Variants in RYR2 observed in about 807,000 individuals in gnomAD.
RYR2 encodes the protein cardiac muscle ryanodine receptor-calcium release channel.
RYR2 carries 227 observed loss-of-function variants against 601.1 expected under a neutral mutation model. That is an observed-to-expected ratio of 0.38 (90% CI 0.34 to 0.42). The LOEUF is 0.42. Ranked by LOEUF, RYR2 falls within the 10% of genes least tolerant of loss-of-function variation. The pLI is 1.00. For missense variants in RYR2, 4,646 were observed against 6,156.5 expected, an observed-to-expected ratio of 0.75 and a Z score of 8.21; for synonymous variants, 2,223 against 2,175.1, an observed-to-expected ratio of 1.02 and a Z score of -0.61.
Position 237,500,723 on chromosome 1 carries a change from G to T in RYR2, c.2216G>T (p.Arg739Leu). The change falls in exon 21 of 105, where the codon CGT becomes CTT. Residue 739 changes from arginine to leucine, a missense_variant. Arg to Leu is a moderately radical substitution (Grantham distance 102). This residue lies in a region of RYR2 where 1,807 missense variants were observed against 2,088.1 expected (regional missense o/e 0.87). Coordinates refer to ENST00000366574, the MANE Select transcript of RYR2 (RefSeq NM_001035.3). Reference sequence around the variant, plus strand: ...TTCCCCCCAATAGGTTGTATTGCTCGTACTGTAAGCTCACCAAACCAACAT... The same window carrying T: ...TTCCCCCCAATAGGTTGTATTGCTCTTACTGTAAGCTCACCAAACCAACAT... ...GLHLWSGCIA[R>L]TVSSPNQHLL... is the part of the protein sequence containing the mutation. 1.2e-6 allele frequency: 2 copies of T among 1,607,402 alleles called. No individual in the cohort carries two copies. The highest frequency in any genetic ancestry group is 2.2e-5 in the South Asian group (2 of 90,600).
At chr1:237,273,579 G>A (rs1689931705) in intron 2 of RYR2, among the ~76,000 whole-genome samples, 1 of 152,120 alleles carries the variant, frequency 6.6e-6, no homozygotes, top group Non-Finnish European at 1.5e-5. Flanking sequence ...GAATGGCTCT[G>A]TCCTCTGACA....
At chr1:237,103,155 G>A (rs1303093443) in intron 1 of RYR2, among the ~76,000 whole-genome samples, 1 of 152,150 alleles carries the variant, frequency 6.6e-6, no homozygotes, top group Non-Finnish European at 1.5e-5. Flanking sequence ...GGAGCTCTGA[G>A]GCCATCCAAG....
chr1:237,369,679 C>T, intron 6 of RYR2, 71 bp downstream of exon 6: 2 of 1,203,420 alleles, frequency 1.7e-6, no homozygotes, highest in Non-Finnish European at 2.4e-6. Flanking sequence ...TCTGCAAATG[C>T]TGGTAGCATC....
chr1:237,666,620 C>T lies in RYR2; in HGVS notation c.8514+31C>T, dbSNP rs182184858. 261 of 1,540,558 alleles carry T rather than the reference C, an allele frequency of 1.7e-4. 2 individuals are homozygous for T. In the Admixed American group the frequency reaches 2.2e-3, roughly 13 times the overall value. ...TACTATTAACTTTTAAAAATAGTCT[C>T]CAAATTTAATTTTTAAGAAGCATAA... On this transcript the variant is annotated intron_variant, in intron 57 of 104. Coordinates refer to ENST00000366574, the MANE Select transcript of RYR2 (RefSeq NM_001035.3).
chr1:237,177,964 G>A (rs1678243952), intron 1 of RYR2, among the ~76,000 whole-genome samples: 1 of 152,184 alleles, frequency 6.6e-6, no homozygotes, highest in South Asian at 2.1e-4. Context: ...AATGCCAAAT[G>A]TCTTCCAGAG....
intron 18 of RYR2, 127 bp from the exon 19 acceptor site, chr1:237,492,827 G>A (rs1434750590): frequency 1.8e-6 from 1 of 544,586 alleles, no homozygotes; most frequent in African/African-American, 3.4e-5. Context: ...CTGTCTGAAA[G>A]GAAGGAAGGA....
chr1:237,462,656 A>G (rs1229089119), intron 16 of RYR2, among the ~76,000 whole-genome samples: 3 of 152,168 alleles, frequency 2.0e-5, no homozygotes, highest in Non-Finnish European at 2.9e-5. Flanking sequence ...GAAGACTTGG[A>G]AAGAATACAG....
intron 2 of RYR2, among the ~76,000 whole-genome samples, chr1:237,313,941 A>G (rs1359413907): frequency 7.1e-6 from 1 of 140,834 alleles, no homozygotes; most frequent in Non-Finnish European, 1.5e-5. Flanking sequence ...TTCAACTTCC[A>G]ATAACATTTT....
intron 101 of RYR2, among the ~76,000 whole-genome samples, chr1:237,824,549 A>G (rs1435976921): frequency 6.8e-6 from 1 of 146,298 alleles, no homozygotes; most frequent in Non-Finnish European, 1.5e-5. Context: ...AGAGCTATAT[A>G]TGACAAACCC....
At chr1:237,494,366 G>A (rs1663793703) in intron 19 of RYR2, among the ~76,000 whole-genome samples, 1 of 152,162 alleles carries the variant, frequency 6.6e-6, no homozygotes, top group South Asian at 2.1e-4. Context: ...AGGGCAGAAA[G>A]CACCCAGCAC....
In RYR2 at chr1:237,726,326, T is replaced by G; in HGVS notation, c.10725+18T>G. 1 of 1,523,428 alleles carries G rather than the reference T, an allele frequency of 6.6e-7. No individual in the cohort carries two copies. 94.4% of individuals were successfully genotyped at this position (1,523,428 alleles called of 1,614,324 possible). On this transcript the variant is annotated intron_variant, in intron 75 of 104. Transcript: ENST00000366574. Reference sequence around the variant, plus strand: ...ACTGTCTGGGAAGTACAGTGCTCAATGGCCTAGAGATTACTAATTAATTTA... The same window carrying G: ...ACTGTCTGGGAAGTACAGTGCTCAAGGGCCTAGAGATTACTAATTAATTTA...
At chr1:237,670,181 C>T (rs558119719) in intron 58 of RYR2, among the ~76,000 whole-genome samples, 3 of 151,414 alleles carry the variant, frequency 2.0e-5, no homozygotes, top group Non-Finnish European at 3.0e-5. Context: ...CGCAGGCACT[C>T]GGCAGGCTGA....
At chr1:237,163,188 T>A (rs1230668957) in intron 1 of RYR2, among the ~76,000 whole-genome samples, 1 of 152,198 alleles carries the variant, frequency 6.6e-6, no homozygotes, top group Non-Finnish European at 1.5e-5. Flanking sequence ...CCGTGATCTC[T>A]AAGATACCTG....
intron 47 of RYR2, among the ~76,000 whole-genome samples, chr1:237,642,343 C>T (rs1020835033): frequency 2.0e-5 from 3 of 152,024 alleles, no homozygotes; most frequent in African/African-American, 7.2e-5. Context: ...AAAACTTAAA[C>T]TTTGCTGCTA....
intron 1 of RYR2, among the ~76,000 whole-genome samples, chr1:237,256,223 G>A (rs183162555): frequency 7.2e-5 from 11 of 152,176 alleles, no homozygotes; most frequent in Non-Finnish European, 1.0e-4. Flanking sequence ...CTTGCCTGCC[G>A]CCGTGTAAGA....
intron 16 of RYR2, among the ~76,000 whole-genome samples, chr1:237,463,498 T>C (rs1659711836): frequency 6.6e-6 from 1 of 152,112 alleles, no homozygotes; most frequent in African/African-American, 2.4e-5. Context: ...CAGATGAATA[T>C]TGCATGATTC....
chr1:237,414,315 A>C (rs137872796), intron 10 of RYR2, among the ~76,000 whole-genome samples: 1 of 152,222 alleles, frequency 6.6e-6, no homozygotes, highest in Admixed American at 6.5e-5. Flanking sequence ...ACCAAGGTTA[A>C]GTATGTTGCC....
intron 1 of RYR2, among the ~76,000 whole-genome samples, chr1:237,194,535 C>T (rs1345449631): frequency 6.6e-6 from 1 of 152,076 alleles, no homozygotes; most frequent in African/African-American, 2.4e-5. Flanking sequence ...CGGGAGGGCC[C>T]AGAGCACTAG....
chr1:237,631,950 A>C (rs1680373801), intron 42 of RYR2, among the ~76,000 whole-genome samples: 1 of 151,974 alleles, frequency 6.6e-6, no homozygotes. Context: ...TAGATTCTTA[A>C]TGAGAATTTC....
Sources: gnomAD v4.1 joint callset for allele counts (sites outside exome capture counted in the v4.1 genomes callset) on GRCh38, gnomAD v4.1.1 for gene constraint, gnomAD v4.1.1 regional missense constraint, MANE v1.5 for transcripts, NCBI Gene and HGNC (gene_info 2026-07-23, HGNC 2026-07-21) for gene names.